Variants in WDPCP observed in about 807,000 individuals in gnomAD.
WDPCP encodes the protein WD repeat-containing and planar cell polarity effector protein fritz homolog.
A neutral mutation model predicts 93.1 loss-of-function variants in WDPCP; 71 were observed. The ratio of observed to expected loss-of-function variants is 0.76; its 90% CI spans 0.63 to 0.93. WDPCP has a LOEUF of 0.93. Among genes scored for constraint, WDPCP ranks in the 40% least tolerant of loss-of-function variants. WDPCP has a pLI of 0.00. For synonymous variants in WDPCP, 315 were observed against 315.0 expected (o/e 1.00, Z 0.00); for missense variants, 844 against 887.4 (o/e 0.95, Z 0.62).
At chr2:63,776,655 C>CAAAAA (rs778768889) in intron 2 of WDPCP, among the ~76,000 whole-genome samples, 2 of 54,008 alleles carry the variant, frequency 3.7e-5, no homozygotes, top group South Asian at 9.2e-4. Context: ...GGCCCTGTCT[C>CAAAAA]AAAAAAAAAA....
At chr2:63,496,596 G>A (rs1701237297) in intron 1 of WDPCP, among the ~76,000 whole-genome samples, 1 of 152,150 alleles carries the variant, frequency 6.6e-6, no homozygotes, top group Non-Finnish European at 1.5e-5. Context: ...TCTATGACCT[G>A]GACTTGTCTT....
chr2:63,508,392 T>C (rs1220962512), intron 1 of WDPCP, among the ~76,000 whole-genome samples: 1 of 152,146 alleles, frequency 6.6e-6, no homozygotes, highest in African/African-American at 2.4e-5. Flanking sequence ...TGCTGAGGGA[T>C]TGTGTCACCA....
At chr2:63,250,554 A>G (rs1186966630) in intron 14 of WDPCP, among the ~76,000 whole-genome samples, 2 of 152,162 alleles carry the variant, frequency 1.3e-5, no homozygotes, top group Non-Finnish European at 2.9e-5. Flanking sequence ...GCCTATTAGT[A>G]AGGATAAAGA....
intron 3 of WDPCP, among the ~76,000 whole-genome samples, chr2:63,617,372 G>C (rs1156295398): frequency 6.6e-6 from 1 of 152,178 alleles, no homozygotes; most frequent in African/African-American, 2.4e-5. Flanking sequence ...ACGTGTTTGA[G>C]AGGGAAAAAT....
chr2:63,572,575 C>T lies in WDPCP; in HGVS notation c.75+15622G>A, dbSNP rs529586229. On this transcript the variant is annotated intron_variant, in intron 1 of 17. Transcript: ENST00000272321. ...AAAATTAGCCAGGCATGGTGGCGGG[C>T]GCCTGTAATCCCAGCTACTCAGGAG... Among the ~76,000 whole-genome samples the T allele has an allele frequency of 2.5e-4, 37 of 150,710 alleles. 1 individual carries two copies. Among genetic ancestry groups the T allele is most frequent in the Middle Eastern group, 3.4e-3 (1 of 294 alleles).
intron 7 of WDPCP, among the ~76,000 whole-genome samples, chr2:63,439,383 G>A (rs891924000): frequency 4.6e-5 from 7 of 152,130 alleles, no homozygotes; most frequent in African/African-American, 1.7e-4. Flanking sequence ...TGTACTGGTG[G>A]TTGTGTTGAT....
intron 12 of WDPCP, among the ~76,000 whole-genome samples, chr2:63,327,149 G>A (rs1687620350): frequency 6.6e-6 from 1 of 152,138 alleles, no homozygotes; most frequent in Non-Finnish European, 1.5e-5. Context: ...AAGGGAAAAA[G>A]ACACAATGGG....
At chr2:63,402,286 G>A (rs575730445) in intron 10 of WDPCP, among the ~76,000 whole-genome samples, 6 of 152,196 alleles carry the variant, frequency 3.9e-5, no homozygotes, top group African/African-American at 1.2e-4. Flanking sequence ...TGGACACAGG[G>A]AGGGGAACAA....
upstream of WDPCP, chr2:63,588,957 C>G (rs1035077152): frequency 2.9e-5 from 47 of 1,595,578 alleles, no homozygotes; most frequent in Admixed American, 2.7e-4. Context: ...ACCGCTCGCC[C>G]TCTCCGAGTC....
intron 1 of WDPCP, among the ~76,000 whole-genome samples, chr2:63,550,700 T>A (rs139039895): frequency 6.6e-6 from 1 of 151,676 alleles, no homozygotes; most frequent in East Asian, 1.9e-4. Context: ...TACACATACA[T>A]ATACATATAT....
At chr2:63,296,043 C>G (rs1684826660) in intron 13 of WDPCP, among the ~76,000 whole-genome samples, 1 of 151,948 alleles carries the variant, frequency 6.6e-6, no homozygotes, top group East Asian at 1.9e-4. Context: ...ATATCCTCAA[C>G]AAAATATTAG....
intron 1 of WDPCP, among the ~76,000 whole-genome samples, chr2:63,532,148 G>A (rs1361707015): frequency 1.3e-5 from 2 of 152,098 alleles, no homozygotes; most frequent in African/African-American, 2.4e-5. Flanking sequence ...GAAGCGAGAA[G>A]AGAAGTTGAG....
At chr2:63,607,974 G>A (rs1372563165) in intron 3 of WDPCP, among the ~76,000 whole-genome samples, 2 of 152,054 alleles carry the variant, frequency 1.3e-5, no homozygotes, top group Non-Finnish European at 2.9e-5. Flanking sequence ...TATTTAAATA[G>A]AATATAGAAA....
At chr2:63,207,652 A>T (rs1280095739) in intron 14 of WDPCP, among the ~76,000 whole-genome samples, 3 of 152,160 alleles carry the variant, frequency 2.0e-5, no homozygotes, top group Non-Finnish European at 1.5e-5. Context: ...ATTTATAAGA[A>T]CTTGGTCTTT....
chr2:63,511,504 A>G lies in WDPCP; in HGVS notation c.76-18564T>C, dbSNP rs576061999. On this transcript the variant is annotated intron_variant, in intron 1 of 17. Coordinates refer to ENST00000272321, the MANE Select transcript of WDPCP (RefSeq NM_015910.7). ...GCTACCTGACTTCAAACTATACTAC[A>G]AGGCTGCAATAACCAAAACAGCATG... Among the ~76,000 whole-genome samples the G allele has an allele frequency of 1.1e-4, 16 of 152,316 alleles. No individual in the cohort carries two copies. The South Asian group carries it at 3.3e-3, about 32-fold the overall frequency.
intron 12 of WDPCP, among the ~76,000 whole-genome samples, chr2:63,320,034 CTT>C (rs1443074633): frequency 1.3e-5 from 2 of 151,788 alleles, no homozygotes; most frequent in African/African-American, 4.8e-5. Flanking sequence ...TATAAAAAAA[CTT>C]GAGCAAATGA....
chr2:63,618,672 TA>T (rs1709698679), intron 3 of WDPCP, among the ~76,000 whole-genome samples: 1 of 151,638 alleles, frequency 6.6e-6, no homozygotes, highest in Non-Finnish European at 1.5e-5. Context: ...GATAGAAGGA[TA>T]GAAGTGGGAT....
the WDPCP span, among the ~76,000 whole-genome samples, chr2:63,834,933 T>G: frequency 6.6e-6 from 1 of 152,204 alleles, no homozygotes; most frequent in Non-Finnish European, 1.5e-5. Flanking sequence ...GATCCAACAA[T>G]GCATGCATGT....
At chr2:63,595,940 G>GCTAT (rs1289524753) in intron 3 of WDPCP, among the ~76,000 whole-genome samples, 1 of 152,122 alleles carries the variant, frequency 6.6e-6, no homozygotes, top group African/African-American at 2.4e-5. Flanking sequence ...GTCCTTCATA[G>GCTAT]CTATACATTG....
Sources: gnomAD v4.1 joint callset for allele counts (sites outside exome capture counted in the v4.1 genomes callset) on GRCh38, gnomAD v4.1.1 for gene constraint, MANE v1.5 for transcripts, NCBI Gene and HGNC (gene_info 2026-07-23, HGNC 2026-07-21) for gene names.